DNAH11: variants seen among roughly 807,000 people sequenced by gnomAD.
DNAH11 encodes the protein axonemal beta dynein heavy chain 11.
DNAH11 carries 442 observed loss-of-function variants against 526.0 expected under a neutral mutation model. The observed-to-expected ratio is 0.84, with a 90% CI of 0.78 to 0.91. The LOEUF (loss-of-function observed/expected upper bound fraction) is 0.91. Ranked by LOEUF, DNAH11 falls within the 40% of genes least tolerant of loss-of-function variation. The pLI is 0.00. For missense variants in DNAH11, 6,989 were observed against 5,448.7 expected (o/e 1.28, Z -8.90); for synonymous variants, 2,461 against 1,935.9 (o/e 1.27, Z -7.12).
chr7:21,797,016 AAGTC>A (rs879344794), intron 61 of DNAH11, among the ~76,000 whole-genome samples: 2 of 152,182 alleles, frequency 1.3e-5, no homozygotes, highest in Non-Finnish European at 2.9e-5. Context: ...ATAGGAATGA[AAGTC>A]AGATTAAAAT....
chr7:21,894,613 C>G lies in DNAH11; in HGVS notation c.12751-10C>G, dbSNP rs760646205. 1.2e-6 allele frequency: 2 copies of G among 1,611,540 alleles called. No individual in the cohort carries two copies. Among genetic ancestry groups the G allele is most frequent in the Admixed American group, 3.4e-5 (2 of 59,602 alleles). ...AGAAAGGAGCTAAATCTTTGTGTTA[C>G]TGATTTAAGGTTAAGAATGTCTTGG... On this transcript the variant is annotated splice_polypyrimidine_tract_variant and intron_variant, in intron 77 of 81. Coordinates refer to ENST00000409508, the MANE Select transcript of DNAH11 (RefSeq NM_001277115.2).
intron 39 of DNAH11, among the ~76,000 whole-genome samples, chr7:21,706,659 T>C (rs1380824868): frequency 6.6e-6 from 1 of 152,206 alleles, no homozygotes; most frequent in Non-Finnish European, 1.5e-5. Context: ...CTAAGGCATT[T>C]ACTTTCTTCT....
intron 35 of DNAH11, among the ~76,000 whole-genome samples, chr7:21,691,095 C>G (rs1161334999): frequency 6.6e-6 from 1 of 151,728 alleles, no homozygotes; most frequent in African/African-American, 2.4e-5. Flanking sequence ...TTAAAAGTTA[C>G]GTGGTATATT....
intron 28 of DNAH11, among the ~76,000 whole-genome samples, chr7:21,645,924 A>G (rs1479723332): frequency 1.3e-5 from 2 of 152,190 alleles, no homozygotes; most frequent in Admixed American, 1.3e-4. Flanking sequence ...AGTCCTAACT[A>G]TAAACAAAAA....
At position 21,900,987 on chromosome 7, in the gene DNAH11, CCG is replaced by C. The variant is rs1784787799; in HGVS notation, c.13304-18_13304-17del. The C allele has an allele frequency of 4.5e-6, 7 of 1,558,146 alleles. No individual in the cohort carries two copies. Among genetic ancestry groups the C allele is most frequent in the Non-Finnish European group, 6.1e-6 (7 of 1,152,638 alleles). On this transcript the variant is annotated intron_variant, in intron 81 of 81. Coordinates refer to ENST00000409508, the MANE Select transcript of DNAH11 (RefSeq NM_001277115.2). ...GTAGCAAGCTGCCACACAATTGCAACCGCTGTGTTTTTGCCATAGGCGCCCGC... is the reference window on the plus strand; with the variant it reads ...GTAGCAAGCTGCCACACAATTGCAACCTGTGTTTTTGCCATAGGCGCCCGC...
At chr7:21,811,486 A>G (rs562681286) in intron 63 of DNAH11, among the ~76,000 whole-genome samples, 216 of 152,232 alleles carry the variant, frequency 1.4e-3, no homozygotes, top group South Asian at 4.4e-3. Flanking sequence ...AAAAGGACAA[A>G]TACTTCAAAC....
At chr7:21,876,015 C>CTGGGACTACA (rs1247249642) in intron 74 of DNAH11, among the ~76,000 whole-genome samples, 2 of 151,234 alleles carry the variant, frequency 1.3e-5, no homozygotes, top group Non-Finnish European at 2.9e-5. Flanking sequence ...TCCCGAGTAG[C>CTGGGACTACA]TGGGACTACA....
intron 6 of DNAH11, among the ~76,000 whole-genome samples, chr7:21,567,734 T>C (rs12670798): frequency 0.26 from 39,945 of 152,184 alleles, 5,626 homozygotes; most frequent in East Asian, 0.52. Context: ...AGTCGGAAAC[T>C]CTTTGTTACT....
intron 45 of DNAH11, among the ~76,000 whole-genome samples, chr7:21,728,975 C>T (rs1391226159): frequency 6.6e-6 from 1 of 152,250 alleles, no homozygotes; most frequent in Admixed American, 6.5e-5. Context: ...TTGGGGGCAG[C>T]AGCCCTGTCC....
intron 51 of DNAH11, 123 bp downstream of exon 51, chr7:21,745,186 T>G: frequency 5.0e-6 from 5 of 1,000,912 alleles, no homozygotes; most frequent in Non-Finnish European, 5.6e-6. Flanking sequence ...CTGTTTGACA[T>G]ATAATTTTAA....
chr7:21,692,562 C>A (rs923438278), intron 35 of DNAH11, among the ~76,000 whole-genome samples: 1 of 152,182 alleles, frequency 6.6e-6, no homozygotes, highest in Admixed American at 6.5e-5. Flanking sequence ...ATTTGTTGAT[C>A]CATTCACTAG....
At chr7:21,877,266 G>C (rs1177063132) in intron 74 of DNAH11, among the ~76,000 whole-genome samples, 1 of 152,102 alleles carries the variant, frequency 6.6e-6, no homozygotes, top group Non-Finnish European at 1.5e-5. Flanking sequence ...CTGAAGTGCA[G>C]CAGCACACTT....
chr7:21,589,650 G>T (rs1262888067), intron 12 of DNAH11, among the ~76,000 whole-genome samples: 1 of 152,080 alleles, frequency 6.6e-6, no homozygotes, highest in Non-Finnish European at 1.5e-5. Flanking sequence ...GAGCCACTGA[G>T]AGTAGCATCC....
At chr7:21,805,069 T>C (rs1789200079) in intron 62 of DNAH11, among the ~76,000 whole-genome samples, 1 of 152,136 alleles carries the variant, frequency 6.6e-6, no homozygotes. Flanking sequence ...GGCTCTTCAC[T>C]TTGTCAGGCC....
At chr7:21,562,591 C>G (rs1306843530) in intron 5 of DNAH11, among the ~76,000 whole-genome samples, 1 of 152,072 alleles carries the variant, frequency 6.6e-6, no homozygotes. Context: ...GAACAAGTGG[C>G]TCAAACTCAT....
chr7:21,686,436 T>A (rs1037345758), intron 32 of DNAH11, among the ~76,000 whole-genome samples: 1 of 152,182 alleles, frequency 6.6e-6, no homozygotes, highest in African/African-American at 2.4e-5. Flanking sequence ...TTGCTATTTG[T>A]TTTGTCTTCT....
At chr7:21,558,676 T>G in intron 2 of DNAH11, 126 bp from the exon 3 acceptor site, 1 of 674,814 alleles carries the variant, frequency 1.5e-6, no homozygotes, top group Non-Finnish European at 2.4e-6. Flanking sequence ...ATCCTCTCTT[T>G]GTAGATTTGA....
At chr7:21,878,831 C>A (rs1783808059) in intron 74 of DNAH11, among the ~76,000 whole-genome samples, 1 of 152,142 alleles carries the variant, frequency 6.6e-6, no homozygotes, top group African/African-American at 2.4e-5. Flanking sequence ...ACTACTCACA[C>A]TGGTTCTACA....
chr7:21,594,072 A>ACACG (rs1230386729), intron 14 of DNAH11, among the ~76,000 whole-genome samples: 1 of 133,070 alleles, frequency 7.5e-6, no homozygotes, highest in Non-Finnish European at 1.5e-5. Context: ...ATACACACAC[A>ACACG]CACACACACA....
Sources: gnomAD v4.1 joint callset for allele counts (sites outside exome capture counted in the v4.1 genomes callset) on GRCh38, gnomAD v4.1.1 for gene constraint, MANE v1.5 for transcripts, NCBI Gene and HGNC (gene_info 2026-07-23, HGNC 2026-07-21) for gene names.